The following SENP7 variants were observed in gnomAD, a reference collection of about 807,000 sequenced individuals.
SENP7 encodes SUMO specific peptidase 7, also known as sentrin-specific protease 7.
A neutral mutation model predicts 141.2 loss-of-function variants in SENP7; 64 were observed. The observed-to-expected ratio is 0.45, with a 90% CI of 0.37 to 0.56. The LOEUF (loss-of-function observed/expected upper bound fraction) is 0.56. SENP7 is among the 20% of genes least tolerant of loss of function. The pLI is 0.00. For missense variants in SENP7, 1,025 were observed against 1,212.2 expected, an observed-to-expected ratio of 0.85 and a Z score of 2.29; for synonymous variants, 382 against 426.4, an observed-to-expected ratio of 0.90 and a Z score of 1.28.
At chr3:101,420,294 G>A (rs1482497697) in intron 4 of SENP7, among the ~76,000 whole-genome samples, 1 of 152,196 alleles carries the variant, frequency 6.6e-6, no homozygotes, top group Non-Finnish European at 1.5e-5. Flanking sequence ...CGTGAACCCA[G>A]GAGGCGGAGC....
chr3:101,399,551 A>G (rs1372117109), intron 5 of SENP7, among the ~76,000 whole-genome samples: 2 of 152,270 alleles, frequency 1.3e-5, no homozygotes, highest in Non-Finnish European at 2.9e-5. Context: ...TCCGTAACTG[A>G]AACAGCACAT....
intron 4 of SENP7, among the ~76,000 whole-genome samples, chr3:101,438,114 A>C (rs926653286): frequency 6.6e-6 from 1 of 152,200 alleles, no homozygotes; most frequent in African/African-American, 2.4e-5. Flanking sequence ...ACACCCAAAA[A>C]AATTAAAAAC....
At chr3:101,440,749 A>G (rs544631758) in intron 4 of SENP7, among the ~76,000 whole-genome samples, 1 of 152,272 alleles carries the variant, frequency 6.6e-6, no homozygotes, top group Non-Finnish European at 1.5e-5. Flanking sequence ...TCCCTCTCGT[A>G]TACAAACATA....
At chr3:101,464,258 G>C (rs1184110095) in intron 3 of SENP7, among the ~76,000 whole-genome samples, 3 of 152,130 alleles carry the variant, frequency 2.0e-5, no homozygotes, top group Non-Finnish European at 4.4e-5. Flanking sequence ...GAACTACAAA[G>C]TAACATGACC....
intron 3 of SENP7, among the ~76,000 whole-genome samples, chr3:101,469,617 G>A (rs1231222907): frequency 1.7e-5 from 2 of 114,424 alleles, no homozygotes; most frequent in Admixed American, 1.1e-4. Flanking sequence ...GAGGTCAGGA[G>A]ATCGAGACCA....
At chr3:101,385,167 T>C (rs1472357603) in intron 6 of SENP7, among the ~76,000 whole-genome samples, 2 of 152,116 alleles carry the variant, frequency 1.3e-5, no homozygotes, top group Non-Finnish European at 2.9e-5. Flanking sequence ...TGTGTGTATA[T>C]ATACAGTATA....
chr3:101,408,369 G>A (rs1232811102), intron 5 of SENP7, among the ~76,000 whole-genome samples: 1 of 152,010 alleles, frequency 6.6e-6, no homozygotes, highest in African/African-American at 2.4e-5. Context: ...AGAAAAACTG[G>A]TACCAATCCT....
rs188863888 is a variant in SENP7 at position 101,410,777 on chromosome 3, G to A, written c.482+6816C>T. 1.0e-3 allele frequency among the ~76,000 whole-genome samples: 157 copies of A among 151,624 alleles called. 2 individuals carry two copies. Among genetic ancestry groups the A allele is most frequent in the East Asian group, 6.4e-3 (33 of 5,152 alleles). ...CAAGAATCACTTGAACCTGGAAGGC[G>A]GAGGTTGCAGTGAGCAGAGACTGCG... On this transcript the variant is annotated intron_variant, in intron 5 of 23. Coordinates refer to ENST00000394095, the MANE Select transcript of SENP7 (RefSeq NM_020654.5).
intron 5 of SENP7, among the ~76,000 whole-genome samples, chr3:101,416,385 T>A (rs377700994): frequency 6.6e-6 from 1 of 152,188 alleles, no homozygotes; most frequent in African/African-American, 2.4e-5. Flanking sequence ...GATGAGGCGA[T>A]TGATGAGTTT....
In SENP7 at chr3:101,361,793, C is replaced by G; in HGVS notation, c.1545G>C (p.Glu515Asp). The change falls in exon 11 of 24, where the codon GAG (glutamate) becomes GAC (aspartate). Residue 515 changes from glutamate to aspartate, a missense_variant. Glu to Asp is a conservative substitution (Grantham distance 45, BLOSUM62 2). Around this residue, in one of 4 missense-constraint regions of SENP7, gnomAD observed 228 missense variants for 228.5 expected, o/e 1.00. Transcript: ENST00000394095. Reference protein sequence around the residue: ...ENISSIMPSNEMDLQLDFIFT... With the variant: ...ENISSIMPSNDMDLQLDFIFT... Reference sequence around the variant, plus strand: ...ATATAAAATCCAGTTGTAGATCCATCTCATTACTAGGCATAATACTGGAAA... The same window carrying G: ...ATATAAAATCCAGTTGTAGATCCATGTCATTACTAGGCATAATACTGGAAA... 6.2e-7 allele frequency: 1 copy of G among 1,608,638 alleles called. No homozygotes were observed. The highest frequency in any genetic ancestry group is 1.1e-5 in the South Asian group (1 of 89,504).
At chr3:101,340,954 A>G (rs1448700174) in intron 15 of SENP7, among the ~76,000 whole-genome samples, 1 of 152,232 alleles carries the variant, frequency 6.6e-6, no homozygotes, top group Non-Finnish European at 1.5e-5. Context: ...TAATGAAGGT[A>G]TAATATGTAC....
intron 3 of SENP7, among the ~76,000 whole-genome samples, chr3:101,463,398 C>CATATATATATATATATAT (rs1257100584): frequency 3.4e-5 from 2 of 58,692 alleles, no homozygotes; most frequent in Non-Finnish European, 7.0e-5. Flanking sequence ...TATATATATA[C>CATATATATATATATATAT]ATATATATAT....
In SENP7 at chr3:101,462,970, T is replaced by C. The variant is rs1210978807; in HGVS notation, c.187-3918A>G. ...CATCAAAAGACATACAATTAAGAAA[T>C]AAAACAGCTACAGATTGAAAGTATT... On this transcript the variant is annotated intron_variant, in intron 3 of 23. Transcript: ENST00000394095. Among the ~76,000 whole-genome samples, 4 of 151,848 alleles carry C rather than the reference T, an allele frequency of 2.6e-5. No individual in the cohort carries two copies. The East Asian group carries it at 7.7e-4, about 29-fold the overall frequency.
At chr3:101,452,598 A>G (rs2063184808) in intron 4 of SENP7, among the ~76,000 whole-genome samples, 1 of 152,214 alleles carries the variant, frequency 6.6e-6, no homozygotes, top group Non-Finnish European at 1.5e-5. Flanking sequence ...AAACCTAACA[A>G]AAACAAGAAA....
intron 3 of SENP7, among the ~76,000 whole-genome samples, chr3:101,478,068 G>C (rs2064295174): frequency 6.6e-6 from 1 of 151,720 alleles, no homozygotes. Flanking sequence ...TGATACCAGA[G>C]AAATACAAAA....
chr3:101,489,922 C>T (rs558043638), intron 3 of SENP7, among the ~76,000 whole-genome samples: 6 of 152,326 alleles, frequency 3.9e-5, no homozygotes, highest in Non-Finnish European at 5.9e-5. Flanking sequence ...CAGTGGTTCA[C>T]GCCTGTAATG....
At position 101,394,511 on chromosome 3, in the gene SENP7, T is replaced by A. The variant is rs528375150; in HGVS notation, c.677+4350A>T. ...GTGGTTCTATTTTTATGTTTCTTTT[T>A]AAAAATTTTTTTTTTTTTTGAGACG... On this transcript the variant is annotated intron_variant, in intron 6 of 23. Transcript: ENST00000394095. Among the ~76,000 whole-genome samples the A allele has an allele frequency of 4.2e-3, 621 of 148,358 alleles. 4 individuals are homozygous for A. The highest frequency in any genetic ancestry group is 0.014 in the African/African-American group (580 of 40,572).
chr3:101,363,627 A>G (rs2059958438), intron 10 of SENP7, among the ~76,000 whole-genome samples: 1 of 152,210 alleles, frequency 6.6e-6, no homozygotes, highest in South Asian at 2.1e-4. Flanking sequence ...TATATATACA[A>G]CTAAACCATC....
intron 5 of SENP7, chr3:101,414,293 G>T: frequency 1.4e-6 from 1 of 723,642 alleles, no homozygotes; most frequent in East Asian, 2.5e-5. Context: ...GAGAACATCC[G>T]GAAGATGCAG....
Sources: allele counts gnomAD v4.1 joint callset (sites outside exome capture counted in the v4.1 genomes callset), GRCh38; gene constraint gnomAD v4.1.1; regional missense constraint gnomAD v4.1.1; transcripts MANE v1.5; gene names NCBI Gene and HGNC (gene_info 2026-07-23, HGNC 2026-07-21).